Variants in RAB30 observed in about 807,000 individuals in gnomAD.
The protein encoded by RAB30 is RAB30, member RAS oncogene family, also known as ras-related protein Rab-30.
Under a neutral mutation model 25.1 loss-of-function variants are expected in RAB30, and 9 were observed. The ratio of observed to expected loss-of-function variants is 0.36; its 90% CI spans 0.22 to 0.63. The LOEUF (loss-of-function observed/expected upper bound fraction) is 0.63. RAB30 is among the 20% of genes least tolerant of loss of function. RAB30 has a pLI of 0.69. For missense variants in RAB30, 140 were observed against 243.5 expected (o/e 0.58, Z 2.83); for synonymous variants, 77 against 86.4 (o/e 0.89, Z 0.60).
chr11:83,029,930 T>A (rs1002541588), intron 1 of RAB30, among the ~76,000 whole-genome samples: 2 of 152,168 alleles, frequency 1.3e-5, no homozygotes, highest in African/African-American at 4.8e-5. Flanking sequence ...CTAAGTGAAG[T>A]AACTCAGGAA....
intron 1 of RAB30, among the ~76,000 whole-genome samples, chr11:83,000,222 C>A (rs563181069): frequency 6.6e-6 from 1 of 152,336 alleles, no homozygotes; most frequent in South Asian, 2.1e-4. Flanking sequence ...CATTCATGTC[C>A]TTGAACCACT....
At chr11:82,997,371 G>T in intron 1 of RAB30, 47 bp from the exon 2 acceptor site, 2 of 1,328,046 alleles carry the variant, frequency 1.5e-6, no homozygotes, top group Non-Finnish European at 1.1e-6. Context: ...AGTCAGACTT[G>T]CCCACAGAGC....
At chr11:83,001,690 C>A (rs138756073) in intron 1 of RAB30, among the ~76,000 whole-genome samples, 1 of 152,136 alleles carries the variant, frequency 6.6e-6, no homozygotes, top group Admixed American at 6.5e-5. Context: ...CATAAAGTAA[C>A]AGCCCAGGCA....
At chr11:82,985,706 T>G (rs1159198442) in intron 4 of RAB30, among the ~76,000 whole-genome samples, 1 of 149,502 alleles carries the variant, frequency 6.7e-6, no homozygotes, top group Non-Finnish European at 1.5e-5. Context: ...CATATGGACC[T>G]TACTTGGCTT....
intron 1 of RAB30, among the ~76,000 whole-genome samples, chr11:83,048,783 G>T (rs1237311159): frequency 1.3e-5 from 2 of 152,308 alleles, no homozygotes; most frequent in South Asian, 2.1e-4. Context: ...GACCTCTAAG[G>T]AAAGGTCCTG....
rs778024742 is a variant in RAB30 at position 82,975,503 on chromosome 11, G to A, written c.*6662C>T. On this transcript the variant is annotated 3_prime_UTR_variant, in exon 5 of 5. Transcript: ENST00000527633. ...TTTTGTTTTAGAATTTAGTGCACAC[G>A]TAGAAAGGGGAAGAAACGCTTTTGG... is the stretch of plus-strand genomic sequence containing the variant. 1 of 152,070 alleles carries A rather than the reference G, an allele frequency of 6.6e-6. No individual in the cohort carries two copies. The highest frequency in any genetic ancestry group is 1.5e-5 in the Non-Finnish European group (1 of 67,998). 9.4% of individuals were successfully genotyped at this position (152,070 alleles called of 1,614,324 possible). A position where few individuals can be genotyped will look rare whatever the true frequency, so the allele number is the denominator to read the frequency against.
intron 1 of RAB30, among the ~76,000 whole-genome samples, chr11:83,028,692 A>G (rs1447462223): frequency 1.3e-5 from 2 of 152,224 alleles, no homozygotes; most frequent in African/African-American, 4.8e-5. Context: ...CAATACCCAA[A>G]TAAACTACCA....
At chr11:82,992,498 A>G (rs1415823037) in intron 3 of RAB30, 2 of 423,508 alleles carry the variant, frequency 4.7e-6, no homozygotes, top group African/African-American at 2.0e-5. Context: ...AAAATGCTGA[A>G]GAGCATTATG....
At chr11:83,065,224 CA>C (rs776083472) in intron 1 of RAB30, among the ~76,000 whole-genome samples, 8 of 148,742 alleles carry the variant, frequency 5.4e-5, no homozygotes, top group Admixed American at 4.0e-4. Flanking sequence ...TTTGTCTCTA[CA>C]AAAAAAAAAT....
In RAB30 at chr11:82,987,796, G is replaced by C. The variant is rs541867681; in HGVS notation, c.178-26C>G. On this transcript the variant is annotated intron_variant, in intron 3 of 4. Coordinates refer to ENST00000527633, the MANE Select transcript of RAB30 (RefSeq NM_001286060.2). ...CTGTAAAGGCATAAGATAAGAATCA[G>C]GTGAAGAAGGATCAGGTTGGAGAAA... 1.2e-5 allele frequency: 18 copies of C among 1,482,482 alleles called. No individual in the cohort carries two copies. The South Asian group carries it at 2.2e-4, about 18-fold the overall frequency. The allele number at this position is 1,482,482 out of a possible 1,614,324, so 91.8% of individuals were successfully genotyped here.
chr11:82,998,914 G>A (rs1368772124), intron 1 of RAB30, among the ~76,000 whole-genome samples: 2 of 152,176 alleles, frequency 1.3e-5, no homozygotes, highest in African/African-American at 4.8e-5. Context: ...AATGCCTGCA[G>A]GCTTGTAGGG....
intron 1 of RAB30, among the ~76,000 whole-genome samples, chr11:83,045,362 C>T (rs563222554): frequency 2.6e-4 from 39 of 152,174 alleles, no homozygotes; most frequent in African/African-American, 8.9e-4. Context: ...AACTCCTGAG[C>T]TAAAACGACC....
chr11:83,034,790 T>TA (rs1201490217), intron 1 of RAB30: 1 of 151,978 alleles, frequency 6.6e-6, no homozygotes, highest in East Asian at 1.9e-4. Context: ...AAACTGCAGG[T>TA]AACAGATAAG....
rs532521415 is a variant in RAB30 at position 83,041,885 on chromosome 11, T to C, written c.-9+29806A>G. Among the ~76,000 whole-genome samples the C allele has an allele frequency of 5.9e-5, 9 of 151,690 alleles. No individual in the cohort carries two copies. The South Asian group carries it at 1.5e-3, about 25-fold the overall frequency. ...GGTGAAACACTGTCTCTAGTAAAAATACAAAAATTAGACAGGTGTGGTGGC... is the reference window on the plus strand; with the variant it reads ...GGTGAAACACTGTCTCTAGTAAAAACACAAAAATTAGACAGGTGTGGTGGC... On this transcript the variant is annotated intron_variant, in intron 1 of 4. Transcript: ENST00000527633.
chr11:82,981,898 A>G lies in RAB30; in HGVS notation c.*267T>C. 1 of 447,506 alleles carries G rather than the reference A, an allele frequency of 2.2e-6. No individual in the cohort carries two copies. The highest frequency in any genetic ancestry group is 2.0e-5 in the African/African-American group (1 of 51,242). The allele number at this position is 447,506 out of a possible 1,614,324, so 27.7% of individuals were successfully genotyped here. ...GCTTTTACTTGCTTTTTAAAAAAAC[A>G]AAAGCAACATGCTCTGCAGATCATG... On this transcript the variant is annotated 3_prime_UTR_variant, in exon 5 of 5. Coordinates refer to ENST00000527633, the MANE Select transcript of RAB30 (RefSeq NM_001286060.2).
chr11:83,038,121 A>G (rs1369089029), intron 1 of RAB30, among the ~76,000 whole-genome samples: 16 of 152,204 alleles, frequency 1.1e-4, no homozygotes, highest in Non-Finnish European at 1.6e-4. Context: ...GGAAAATGCT[A>G]CATAAAATCC....
At chr11:82,991,165 G>A (rs1261807922) in intron 3 of RAB30, among the ~76,000 whole-genome samples, 1 of 152,090 alleles carries the variant, frequency 6.6e-6, no homozygotes, top group Non-Finnish European at 1.5e-5. Flanking sequence ...CTAGCAAAAA[G>A]ACACTTTAAC....
At chr11:82,992,368 G>A (rs1384859001) in intron 3 of RAB30, 1 of 456,036 alleles carries the variant, frequency 2.2e-6, no homozygotes, top group African/African-American at 2.0e-5. Context: ...TATTTGGTGT[G>A]GATGTCTCTG....
intron 1 of RAB30, among the ~76,000 whole-genome samples, chr11:83,031,317 G>A (rs1282012680): frequency 1.3e-5 from 2 of 152,140 alleles, no homozygotes; most frequent in African/African-American, 4.8e-5. Context: ...TTTTTTTCAT[G>A]TCATTGACTT....
Sources: allele counts gnomAD v4.1 joint callset (sites outside exome capture counted in the v4.1 genomes callset), GRCh38; gene constraint gnomAD v4.1.1; transcripts MANE v1.5; gene names NCBI Gene and HGNC (gene_info 2026-07-23, HGNC 2026-07-21).